SRRM4: variants seen among roughly 807,000 people sequenced by gnomAD.
The protein encoded by SRRM4 is serine/arginine repetitive matrix 4.
In SRRM4, 33 loss-of-function variants were observed where a neutral mutation model predicts 68.9. The observed-to-expected ratio is 0.48, with a 90% CI of 0.36 to 0.64. The LOEUF is 0.64. Ranked by LOEUF, SRRM4 falls within the 30% of genes least tolerant of loss-of-function variation. The pLI is 0.00. For missense variants in SRRM4, 817 were observed against 827.1 expected (o/e 0.99, Z 0.15); for synonymous variants, 318 against 318.8 (o/e 1.00, Z 0.03).
In SRRM4 at chr12:119,159,298, C is replaced by G. The variant is rs1383385882; in HGVS notation, c.*2500C>G. Reference sequence around the variant, plus strand: ...TGTAAACAGCCCAGAGGCTTATGAGCTACAGTGATGAATTGACACAGTGGA... The same window carrying G: ...TGTAAACAGCCCAGAGGCTTATGAGGTACAGTGATGAATTGACACAGTGGA... On this transcript the variant is annotated 3_prime_UTR_variant, in exon 13 of 13. Transcript: ENST00000267260. The G allele has an allele frequency of 6.6e-6, 1 of 152,284 alleles. No individual in the cohort carries two copies. The highest frequency in any genetic ancestry group is 6.5e-5 in the Admixed American group (1 of 15,268). 9.4% of individuals were successfully genotyped at this position (152,284 alleles called of 1,614,324 possible).
At chr12:119,005,573 T>C (rs1417517051) in intron 1 of SRRM4, among the ~76,000 whole-genome samples, 2 of 152,242 alleles carry the variant, frequency 1.3e-5, no homozygotes, top group African/African-American at 2.4e-5. Flanking sequence ...CTCTGTCCAC[T>C]GTTTTATAAC....
At chr12:119,023,654 A>G (rs1327741432) in intron 1 of SRRM4, among the ~76,000 whole-genome samples, 3 of 152,160 alleles carry the variant, frequency 2.0e-5, no homozygotes, top group Admixed American at 2.0e-4. Context: ...ACCTTCCAAC[A>G]TCTTTTCATT....
At chr12:119,081,640 C>T (rs1045057697) in intron 1 of SRRM4, among the ~76,000 whole-genome samples, 2 of 152,188 alleles carry the variant, frequency 1.3e-5, no homozygotes, top group Non-Finnish European at 2.9e-5. Context: ...GAGTAGGATC[C>T]CGCCAGCCGC....
intron 1 of SRRM4, among the ~76,000 whole-genome samples, chr12:119,021,893 T>A (rs1402951329): frequency 6.6e-6 from 1 of 152,206 alleles, no homozygotes; most frequent in East Asian, 1.9e-4. Context: ...TAAACATACA[T>A]GTGCATGTAA....
At chr12:119,041,864 T>C (rs1395281352) in intron 1 of SRRM4, among the ~76,000 whole-genome samples, 1 of 152,164 alleles carries the variant, frequency 6.6e-6, no homozygotes, top group Non-Finnish European at 1.5e-5. Flanking sequence ...GAATGCCTAC[T>C]GTCTACAAAT....
chr12:119,018,407 C>A (rs776851929), intron 1 of SRRM4, among the ~76,000 whole-genome samples: 19 of 152,174 alleles, frequency 1.2e-4, no homozygotes, highest in Non-Finnish European at 1.6e-4. Context: ...AGTTGGCCAT[C>A]TTGGTTCCAA....
At chr12:119,109,227 C>T (rs368926022) in intron 2 of SRRM4, among the ~76,000 whole-genome samples, 2 of 152,184 alleles carry the variant, frequency 1.3e-5, no homozygotes, top group South Asian at 2.1e-4. Context: ...GTGGGTAACC[C>T]GACCTTTCTC....
intron 1 of SRRM4, among the ~76,000 whole-genome samples, chr12:119,076,892 T>C (rs555609131): frequency 6.6e-6 from 1 of 152,198 alleles, no homozygotes; most frequent in African/African-American, 2.4e-5. Context: ...AATTAAGAAT[T>C]TTTAAAAACT....
intron 1 of SRRM4, among the ~76,000 whole-genome samples, chr12:119,020,452 T>C (rs1953509447): frequency 6.6e-6 from 1 of 152,226 alleles, no homozygotes; most frequent in African/African-American, 2.4e-5. Context: ...AGAAGATGCT[T>C]ACATCCAAGT....
intron 8 of SRRM4, among the ~76,000 whole-genome samples, chr12:119,144,326 G>A (rs982103554): frequency 4.6e-5 from 7 of 152,146 alleles, no homozygotes; most frequent in African/African-American, 1.7e-4. Flanking sequence ...GGATTGATTA[G>A]GTTGGCTAGG....
intron 1 of SRRM4, among the ~76,000 whole-genome samples, chr12:119,068,625 C>A (rs906520838): frequency 6.6e-5 from 10 of 152,050 alleles, no homozygotes. Context: ...ATCTCCCATG[C>A]CGCAGACCCC....
At chr12:119,076,406 A>T (rs1953916887) in intron 1 of SRRM4, among the ~76,000 whole-genome samples, 1 of 152,170 alleles carries the variant, frequency 6.6e-6, no homozygotes, top group South Asian at 2.1e-4. Flanking sequence ...ATTCCAGGAG[A>T]TGGAAGCGTG....
intron 1 of SRRM4, among the ~76,000 whole-genome samples, chr12:118,993,589 T>C (rs1278810545): frequency 6.6e-6 from 1 of 152,116 alleles, no homozygotes; most frequent in Non-Finnish European, 1.5e-5. Flanking sequence ...AGAGTGCATG[T>C]GGGTCATGAA....
intron 1 of SRRM4, among the ~76,000 whole-genome samples, chr12:119,019,145 G>C (rs531836717): frequency 6.6e-6 from 1 of 152,278 alleles, no homozygotes; most frequent in African/African-American, 2.4e-5. Context: ...CCTGCAGAGA[G>C]GATCTGATCG....
At chr12:119,082,456 G>A (rs1337379575) in intron 1 of SRRM4, among the ~76,000 whole-genome samples, 1 of 152,212 alleles carries the variant, frequency 6.6e-6, no homozygotes, top group Non-Finnish European at 1.5e-5. Context: ...CTAGCGAGAA[G>A]GAGAATGTGC....
intron 1 of SRRM4, among the ~76,000 whole-genome samples, chr12:119,040,178 C>T (rs1042001986): frequency 4.0e-5 from 6 of 149,490 alleles, no homozygotes; most frequent in African/African-American, 1.5e-4. Flanking sequence ...ATAATAGCAG[C>T]TACCTTTTAT....
chr12:119,027,605 A>G (rs1795358865), intron 1 of SRRM4, among the ~76,000 whole-genome samples: 1 of 152,234 alleles, frequency 6.6e-6, no homozygotes, highest in African/African-American at 2.4e-5. Flanking sequence ...AGTTTATGTT[A>G]TAACTGAGGT....
intron 1 of SRRM4, among the ~76,000 whole-genome samples, chr12:119,023,064 G>A (rs1244044632): frequency 5.3e-5 from 8 of 152,234 alleles, no homozygotes; most frequent in Admixed American, 5.2e-4. Context: ...ACGGTAAGAA[G>A]AATGTACTTT....
intron 6 of SRRM4, among the ~76,000 whole-genome samples, chr12:119,124,063 A>G (rs919369462): frequency 6.6e-6 from 1 of 152,202 alleles, no homozygotes; most frequent in Non-Finnish European, 1.5e-5. Flanking sequence ...CAGTTTCTTC[A>G]TCTGTAAGAT....
Sources: allele counts gnomAD v4.1 joint callset (sites outside exome capture counted in the v4.1 genomes callset), GRCh38; gene constraint gnomAD v4.1.1; transcripts MANE v1.5; gene names NCBI Gene and HGNC (gene_info 2026-07-23, HGNC 2026-07-21).